The following SLCO2A1 variants were observed in gnomAD, a reference collection of about 807,000 sequenced individuals.
SLCO2A1 encodes solute carrier organic anion transporter family member 2A1, also known as matrin F/G 1.
In SLCO2A1, 60 loss-of-function variants were observed where a neutral mutation model predicts 71.7. The observed-to-expected ratio is 0.84, with a 90% CI of 0.68 to 1.04. The LOEUF is 1.04. SLCO2A1 is among the 50% of genes least tolerant of loss of function. SLCO2A1 has a pLI of 0.00. For missense variants in SLCO2A1, 745 were observed against 813.4 expected, an observed-to-expected ratio of 0.92 and a Z score of 1.02; for synonymous variants, 308 against 326.7, an observed-to-expected ratio of 0.94 and a Z score of 0.62.
chr3:134,011,343 C>T (rs952600537), intron 1 of SLCO2A1, among the ~76,000 whole-genome samples: 1 of 152,190 alleles, frequency 6.6e-6, no homozygotes, highest in Non-Finnish European at 1.5e-5. Context: ...GCCACTGTGC[C>T]CAGCCTACAC....
chr3:133,975,222 C>G (rs1480271172), intron 2 of SLCO2A1, among the ~76,000 whole-genome samples: 2 of 152,226 alleles, frequency 1.3e-5, no homozygotes, highest in African/African-American at 4.8e-5. Flanking sequence ...AACTCTCACT[C>G]TTCTTCCTTC....
chr3:133,955,302 GC>G, intron 3 of SLCO2A1, 109 bp from the exon 4 acceptor site: 1 of 868,344 alleles, frequency 1.2e-6, no homozygotes, highest in Non-Finnish European at 1.8e-6. Context: ...ACCAACTTTG[GC>G]CAGAGGCTGT....
intron 3 of SLCO2A1, among the ~76,000 whole-genome samples, chr3:133,967,102 A>T (rs9855403): frequency 0.09 from 13,736 of 152,238 alleles, 844 homozygotes; most frequent in Non-Finnish European, 0.14. Context: ...TTCCTGGAGA[A>T]GCGACTCTCA....
chr3:133,973,349 T>G lies in SLCO2A1; in HGVS notation c.397+314A>C, dbSNP rs77544380. On this transcript the variant is annotated intron_variant, in intron 3 of 13. Transcript: ENST00000310926. ...TGGACAAAATCCACAGACTTCATCA[T>G]GATTTAATGCTTTGATCCTCCTCCT... is the stretch of plus-strand genomic sequence containing the variant. 0.18 allele frequency among the ~76,000 whole-genome samples: 27,716 copies of G among 152,198 alleles called. 2,902 individuals carry two copies. The highest frequency in any genetic ancestry group is 0.28 in the East Asian group (1,449 of 5,178).
At chr3:133,978,031 C>G (rs532162086) in intron 2 of SLCO2A1, among the ~76,000 whole-genome samples, 116 of 152,238 alleles carry the variant, frequency 7.6e-4, no homozygotes, top group African/African-American at 2.7e-3. Flanking sequence ...AGGAGGAGGT[C>G]TCAGGCCAGC....
chr3:133,963,554 C>T (rs1191877682), intron 3 of SLCO2A1, among the ~76,000 whole-genome samples: 1 of 152,230 alleles, frequency 6.6e-6, no homozygotes, highest in Non-Finnish European at 1.5e-5. Context: ...AAGAGGAGGG[C>T]TCCTTCAAGT....
At chr3:133,949,484 G>C (rs931506545) in intron 6 of SLCO2A1, among the ~76,000 whole-genome samples, 1 of 152,106 alleles carries the variant, frequency 6.6e-6, no homozygotes, top group Non-Finnish European at 1.5e-5. Flanking sequence ...ACCTTTACCT[G>C]CACTTTCTTG....
At chr3:134,010,517 G>C (rs920438418) in intron 1 of SLCO2A1, among the ~76,000 whole-genome samples, 1 of 152,082 alleles carries the variant, frequency 6.6e-6, no homozygotes, top group Non-Finnish European at 1.5e-5. Flanking sequence ...ACTTTGGGAG[G>C]CCAAGGTGGG....
At chr3:134,010,717 G>A (rs141566400) in intron 1 of SLCO2A1, among the ~76,000 whole-genome samples, 17 of 136,942 alleles carry the variant, frequency 1.2e-4, no homozygotes, top group African/African-American at 4.7e-4. Flanking sequence ...TCACAGCACT[G>A]CACTCCAGCC....
intron 1 of SLCO2A1, 128 bp downstream of exon 1, chr3:134,029,579 C>T (rs1441015300): frequency 3.1e-6 from 2 of 652,468 alleles, no homozygotes; most frequent in Non-Finnish European, 5.1e-6. Flanking sequence ...GGGATGAGAT[C>T]GGAGCGCGGC....
At position 133,947,269 on chromosome 3, in the gene SLCO2A1, C is replaced by G. The variant is rs750150056; in HGVS notation, c.1282G>C (p.Val428Leu). The G allele has an allele frequency of 6.2e-7, 1 of 1,613,924 alleles. No homozygotes were observed. The highest frequency in any genetic ancestry group is 8.5e-7 in the Non-Finnish European group (1 of 1,179,954). ...MGCSTPTVAE[V>L]YPPSTSSSIH... ...TATTCCCATTACCTAGGGGGGTAGA[C>G]TTCGGCCACAGTTGGGGTGGAGCAT... Residue 428 changes from valine (V) to leucine (L), a missense_variant, in exon 9 of 14, where the codon GTC (valine) becomes CTC (leucine). Transcript: ENST00000310926.
intron 9 of SLCO2A1, among the ~76,000 whole-genome samples, chr3:133,946,225 G>A (rs1337586682): frequency 6.7e-6 from 1 of 148,998 alleles, no homozygotes; most frequent in African/African-American, 2.5e-5. Flanking sequence ...GACAGAGGAG[G>A]TCATTTCAAA....
At chr3:133,995,246 T>C (rs1450884037) in intron 1 of SLCO2A1, among the ~76,000 whole-genome samples, 1 of 152,110 alleles carries the variant, frequency 6.6e-6, no homozygotes, top group African/African-American at 2.4e-5. Flanking sequence ...ATATAGTGTG[T>C]CAGCATGATC....
At chr3:133,945,307 GA>G in intron 9 of SLCO2A1, 47 bp from the exon 10 acceptor site, 1 of 1,554,790 alleles carries the variant, frequency 6.4e-7, no homozygotes, top group Non-Finnish European at 8.7e-7. Flanking sequence ...CAAGACCAAA[GA>G]AAAACCCTAC....
rs138524403 is a variant in SLCO2A1 at position 133,957,858 on chromosome 3, C to T, written c.398-2665G>A. 3.2e-3 allele frequency among the ~76,000 whole-genome samples: 489 copies of T among 152,222 alleles called. 1 individual carries two copies. Among genetic ancestry groups the T allele is most frequent in the African/African-American group, 0.011 (476 of 41,528 alleles). On this transcript the variant is annotated intron_variant, in intron 3 of 13. Coordinates refer to ENST00000310926, the MANE Select transcript of SLCO2A1 (RefSeq NM_005630.3). ...CCTTAGTTTCCCTTGGCGTAGAGGC[C>T]ATAAGGTGGCTAGATAGAAAGATTC...
intron 3 of SLCO2A1, among the ~76,000 whole-genome samples, chr3:133,967,874 C>T (rs1424379000): frequency 9.7e-6 from 1 of 103,214 alleles, no homozygotes; most frequent in Non-Finnish European, 2.2e-5. Flanking sequence ...CACCCCACCC[C>T]ACCTCCACAC....
chr3:133,947,518 G>T, intron 8 of SLCO2A1, 73 bp from the exon 9 acceptor site: 1 of 1,270,066 alleles, frequency 7.9e-7, no homozygotes, highest in Non-Finnish European at 1.1e-6. Context: ...ACACTGAGCT[G>T]GATCACTGAG....
In SLCO2A1 at chr3:133,938,498, A is replaced by G; in HGVS notation, c.1626-5T>C. On this transcript the variant is annotated splice_polypyrimidine_tract_variant and splice_region_variant and intron_variant, in intron 11 of 13. Coordinates refer to ENST00000310926, the MANE Select transcript of SLCO2A1 (RefSeq NM_005630.3). ...TTTTCCTCCTGGTTCACCACACTGA[A>G]AAGACAGACAGGAAATCAGCAGTGG... 6.2e-7 allele frequency: 1 copy of G among 1,613,976 alleles called. No homozygotes were observed. Among genetic ancestry groups the G allele is most frequent in the Non-Finnish European group, 8.5e-7 (1 of 1,179,902 alleles).
intron 1 of SLCO2A1, among the ~76,000 whole-genome samples, chr3:133,999,500 GC>G (rs917755966): frequency 4.6e-5 from 7 of 152,144 alleles, no homozygotes; most frequent in African/African-American, 1.4e-4. Context: ...GCCTCCCCCA[GC>G]CCCCCAGGGG....
Sources: allele counts gnomAD v4.1 joint callset (sites outside exome capture counted in the v4.1 genomes callset), GRCh38; gene constraint gnomAD v4.1.1; transcripts MANE v1.5; gene names NCBI Gene and HGNC (gene_info 2026-07-23, HGNC 2026-07-21).